DPP6: variants seen among roughly 807,000 people sequenced by gnomAD.
The protein encoded by DPP6 is A-type potassium channel modulatory protein DPP6.
DPP6 carries 69 observed loss-of-function variants against 122.6 expected under a neutral mutation model. The observed-to-expected ratio is 0.56, with a 90% CI of 0.46 to 0.69. The LOEUF (loss-of-function observed/expected upper bound fraction) is 0.69, where lower values mean the gene tolerates loss of function less well. DPP6 is among the 30% of genes least tolerant of loss of function. The pLI is 0.00. For synonymous variants in DPP6, 418 were observed against 433.1 expected (o/e 0.97, Z 0.43); for missense variants, 928 against 1,116.9 (o/e 0.83, Z 2.41).
chr7:153,834,333 T>C, the DPP6 span, among the ~76,000 whole-genome samples: 3 of 152,050 alleles, frequency 2.0e-5, no homozygotes, highest in Non-Finnish European at 4.4e-5. Context: ...AAAATATATT[T>C]AGGAATATAA....
chr7:154,544,007 A>AT lies in DPP6; in HGVS notation c.552+3381_552+3382insT, dbSNP rs1403276436. Among the ~76,000 whole-genome samples the AT allele has an allele frequency of 8.8e-3, 1,300 of 147,116 alleles. 19 individuals carry two copies. The highest frequency in any genetic ancestry group is 0.032 in the African/African-American group (1,214 of 38,452). ...AGACTCCATCTCAAAAAAAAAAAAA[A>AT]AAAAAAGAGTTTCTGTATGTGTAAA... On this transcript the variant is annotated intron_variant, in intron 4 of 25. Coordinates refer to ENST00000377770, the MANE Select transcript of DPP6 (RefSeq NM_130797.4).
chr7:154,055,299 C>A (rs1800729740), intron 1 of DPP6, among the ~76,000 whole-genome samples: 3 of 131,592 alleles, frequency 2.3e-5, no homozygotes, highest in Admixed American at 1.6e-4. Flanking sequence ...ATGTTGCATC[C>A]TTTAAAAACA....
chr7:154,305,033 C>G (rs1317973189), intron 1 of DPP6: 1 of 16,134 alleles, frequency 6.2e-5, no homozygotes, highest in Non-Finnish European at 1.5e-4. Context: ...AGCCCCAGCC[C>G]CAGCCCCAGC....
intron 1 of DPP6, among the ~76,000 whole-genome samples, chr7:154,267,408 T>G (rs1803491973): frequency 6.7e-6 from 1 of 148,642 alleles, no homozygotes; most frequent in African/African-American, 2.5e-5. Context: ...TTTATATATA[T>G]CCCTTATACA....
chr7:154,392,721 T>G (rs1230562226), intron 1 of DPP6, among the ~76,000 whole-genome samples: 1 of 152,242 alleles, frequency 6.6e-6, no homozygotes. Flanking sequence ...GGGTAATTGA[T>G]GTCTTACTGT....
intron 1 of DPP6, among the ~76,000 whole-genome samples, chr7:154,090,348 A>G (rs2150547820): frequency 6.6e-6 from 1 of 152,310 alleles, no homozygotes. Flanking sequence ...CTGTTGGTCC[A>G]CAAACAAAGG....
rs114461851 is a variant in DPP6 at position 154,679,130 on chromosome 7, T to A, written c.762+9689T>A. Among the ~76,000 whole-genome samples the A allele has an allele frequency of 5.5e-3, 839 of 152,250 alleles. 8 individuals carry two copies. The highest frequency in any genetic ancestry group is 0.019 in the African/African-American group (796 of 41,540). On this transcript the variant is annotated intron_variant, in intron 7 of 25. Coordinates refer to ENST00000377770, the MANE Select transcript of DPP6 (RefSeq NM_130797.4). ...AGCTAGGGTTGGTGTCCAGAGGGCT[T>A]CATGACGGGCCAGCCCCCTTGTCCA...
chr7:153,955,006 G>C (rs947830851), intron 1 of DPP6, among the ~76,000 whole-genome samples: 1 of 152,310 alleles, frequency 6.6e-6, no homozygotes, highest in South Asian at 2.1e-4. Flanking sequence ...TGGGTGTGTA[G>C]CATTGGGGCA....
chr7:154,063,726 C>T (rs1332564743), intron 1 of DPP6, among the ~76,000 whole-genome samples: 1 of 149,722 alleles, frequency 6.7e-6, no homozygotes, highest in Non-Finnish European at 1.5e-5. Context: ...GCCAGCCCCT[C>T]TTCCCCCCCG....
intron 2 of DPP6, among the ~76,000 whole-genome samples, chr7:154,459,805 CAA>C (rs775605275): frequency 0.18 from 11,085 of 62,144 alleles, 290 homozygotes; most frequent in Admixed American, 0.3. Flanking sequence ...GATTCCATCT[CAA>C]AAAAAAAAAA....
intron 7 of DPP6, among the ~76,000 whole-genome samples, chr7:154,721,716 C>G (rs1841819785): frequency 6.6e-6 from 1 of 152,140 alleles, no homozygotes; most frequent in Non-Finnish European, 1.5e-5. Context: ...GACACCTCCT[C>G]TGAAGCCTGT....
At chr7:154,328,088 T>A (rs116060105) in intron 1 of DPP6, among the ~76,000 whole-genome samples, 2,224 of 152,240 alleles carry the variant, frequency 0.015, 59 homozygotes, top group African/African-American at 0.051. Context: ...CTCAAGCAGG[T>A]CCTGGCCTCA....
chr7:154,868,469 A>G (rs1804084817), intron 18 of DPP6, among the ~76,000 whole-genome samples: 1 of 152,046 alleles, frequency 6.6e-6, no homozygotes, highest in Non-Finnish European at 1.5e-5. Flanking sequence ...CAGCTGGTGG[A>G]TTATGGGCTG....
intron 10 of DPP6, among the ~76,000 whole-genome samples, chr7:154,784,511 G>C (rs1213033643): frequency 6.6e-6 from 1 of 152,068 alleles, no homozygotes; most frequent in Non-Finnish European, 1.5e-5. Context: ...TTTTCTAAAA[G>C]GACAGGAAAA....
intron 1 of DPP6, among the ~76,000 whole-genome samples, chr7:154,054,478 GCA>G (rs932168388): frequency 1.3e-5 from 2 of 151,932 alleles, no homozygotes; most frequent in South Asian, 2.1e-4. Context: ...GATGTGGTTT[GCA>G]CACACACAGG....
chr7:154,180,452 T>G (rs899575443), intron 1 of DPP6, among the ~76,000 whole-genome samples: 1 of 145,998 alleles, frequency 6.8e-6, no homozygotes, highest in Non-Finnish European at 1.5e-5. Context: ...CATTTATATA[T>G]TATATATAGA....
chr7:154,862,400 G>A (rs952984399), intron 17 of DPP6, among the ~76,000 whole-genome samples: 5 of 152,250 alleles, frequency 3.3e-5, no homozygotes, highest in East Asian at 3.8e-4. Context: ...GGTTGCACGC[G>A]TGAGCAGCTG....
intron 1 of DPP6, among the ~76,000 whole-genome samples, chr7:154,064,505 G>T (rs1177375694): frequency 1.3e-5 from 2 of 152,106 alleles, no homozygotes; most frequent in Non-Finnish European, 2.9e-5. Flanking sequence ...GGCTCAAATT[G>T]TATAGCAAAC....
intron 6 of DPP6, among the ~76,000 whole-genome samples, chr7:154,648,830 A>C (rs560918406): frequency 3.4e-4 from 51 of 151,990 alleles, no homozygotes; most frequent in African/African-American, 1.1e-3. Flanking sequence ...GAGGCAGGAG[A>C]ATCATTTGAA....
Sources: gnomAD v4.1 joint callset for allele counts (sites outside exome capture counted in the v4.1 genomes callset) on GRCh38, gnomAD v4.1.1 for gene constraint, MANE v1.5 for transcripts, NCBI Gene and HGNC (gene_info 2026-07-23, HGNC 2026-07-21) for gene names.